FARS2: variants seen among roughly 807,000 people sequenced by gnomAD.
FARS2 encodes the protein phenylalanyl-tRNA synthetase 2, mitochondrial.
FARS2 carries 40 observed loss-of-function variants against 46.4 expected under a neutral mutation model. The ratio of observed to expected loss-of-function variants is 0.86; its 90% confidence interval spans 0.67 to 1.12. FARS2 has a LOEUF of 1.12. FARS2 is among the 50% of genes most tolerant of loss of function. FARS2 has a pLI of 0.00. For synonymous variants in FARS2, 234 were observed against 214.9 expected (o/e 1.09, Z -0.78); for missense variants, 513 against 567.9 (o/e 0.90, Z 0.98).
At chr6:5,640,822 C>T (rs1776780283) in intron 6 of FARS2, among the ~76,000 whole-genome samples, 1 of 152,220 alleles carries the variant, frequency 6.6e-6, no homozygotes, top group African/African-American at 2.4e-5. Flanking sequence ...CTTTCTGACA[C>T]CCCACTCCTT....
chr6:5,548,332 G>A (rs1771166560), intron 5 of FARS2, among the ~76,000 whole-genome samples: 1 of 152,190 alleles, frequency 6.6e-6, no homozygotes, highest in Admixed American at 6.5e-5. Context: ...TTATAGTGAA[G>A]CACACTGATT....
At chr6:5,502,667 A>G (rs866647520) in intron 4 of FARS2, among the ~76,000 whole-genome samples, 8 of 152,236 alleles carry the variant, frequency 5.3e-5, no homozygotes, top group African/African-American at 1.7e-4. Context: ...GCATTTTTGC[A>G]TATTGTTTTC....
intron 1 of FARS2, among the ~76,000 whole-genome samples, chr6:5,341,671 A>C (rs906907671): frequency 9.9e-5 from 15 of 151,824 alleles, no homozygotes. Flanking sequence ...GGTTCCCACC[A>C]TCACACCCGG....
intron 6 of FARS2, among the ~76,000 whole-genome samples, chr6:5,677,677 G>C (rs1277266459): frequency 6.6e-6 from 1 of 152,222 alleles, no homozygotes; most frequent in Non-Finnish European, 1.5e-5. Context: ...AGGGGCTGTA[G>C]TCAAAGAGTC....
At chr6:5,556,786 C>T (rs898640771) in intron 5 of FARS2, among the ~76,000 whole-genome samples, 2 of 151,868 alleles carry the variant, frequency 1.3e-5, no homozygotes, top group South Asian at 2.1e-4. Flanking sequence ...TATCCAATAT[C>T]CTTGTTGCAT....
At chr6:5,273,772 C>T (rs956689492) in intron 1 of FARS2, among the ~76,000 whole-genome samples, 2 of 152,240 alleles carry the variant, frequency 1.3e-5, no homozygotes, top group Admixed American at 6.5e-5. Flanking sequence ...GTTGTTTCCC[C>T]AATGTATTCT....
chr6:5,388,922 TG>T (rs1443080160), intron 2 of FARS2, among the ~76,000 whole-genome samples: 2 of 152,202 alleles, frequency 1.3e-5, no homozygotes, highest in Non-Finnish European at 2.9e-5. Context: ...AAATCCCTTT[TG>T]TCATACTTGT....
chr6:5,693,329 C>A (rs1183297011), intron 6 of FARS2, among the ~76,000 whole-genome samples: 2 of 152,132 alleles, frequency 1.3e-5, no homozygotes, highest in African/African-American at 4.8e-5. Context: ...CAGATCTGCC[C>A]CCTCACCACT....
chr6:5,301,617 C>A (rs1216336774), intron 1 of FARS2, among the ~76,000 whole-genome samples: 3 of 152,082 alleles, frequency 2.0e-5, no homozygotes, highest in Non-Finnish European at 4.4e-5. Flanking sequence ...ATTGTGAAAT[C>A]ATTCCCTTCT....
chr6:5,509,677 G>A (rs1319815487), intron 4 of FARS2, among the ~76,000 whole-genome samples: 2 of 152,208 alleles, frequency 1.3e-5, no homozygotes, highest in Non-Finnish European at 2.9e-5. Flanking sequence ...GCGCCAGAGC[G>A]GGAGAGCTGT....
At chr6:5,417,550 A>T (rs1353106697) in intron 3 of FARS2, among the ~76,000 whole-genome samples, 2 of 152,110 alleles carry the variant, frequency 1.3e-5, no homozygotes, top group African/African-American at 4.8e-5. Context: ...TAGAGGTGAT[A>T]TTCCTAGATC....
intron 6 of FARS2, among the ~76,000 whole-genome samples, chr6:5,740,114 C>T (rs1761238359): frequency 6.6e-6 from 1 of 152,194 alleles, no homozygotes; most frequent in African/African-American, 2.4e-5. Context: ...GGTCAAACCA[C>T]TACATACAGT....
At chr6:5,509,172 G>T (rs952515215) in intron 4 of FARS2, among the ~76,000 whole-genome samples, 4 of 152,200 alleles carry the variant, frequency 2.6e-5, no homozygotes, top group African/African-American at 7.2e-5. Context: ...TTAGGTAAAA[G>T]CTGTTAACCT....
chr6:5,322,814 A>G (rs1051408188), intron 1 of FARS2, among the ~76,000 whole-genome samples: 3 of 152,200 alleles, frequency 2.0e-5, no homozygotes, highest in Non-Finnish European at 4.4e-5. Context: ...TTGAGACACA[A>G]AAACTTGTGT....
intron 5 of FARS2, among the ~76,000 whole-genome samples, chr6:5,602,824 G>A (rs1247746895): frequency 3.9e-5 from 6 of 152,050 alleles, no homozygotes; most frequent in African/African-American, 1.4e-4. Context: ...GTCCCTTTTG[G>A]CACGCTTATA....
At chr6:5,334,222 T>A (rs927022651) in intron 1 of FARS2, among the ~76,000 whole-genome samples, 2 of 152,184 alleles carry the variant, frequency 1.3e-5, no homozygotes, top group Non-Finnish European at 2.9e-5. Context: ...TAAAATAGTT[T>A]AATCACAGTG....
chr6:5,392,236 A>C (rs779904638), intron 2 of FARS2, among the ~76,000 whole-genome samples: 31 of 152,150 alleles, frequency 2.0e-4, no homozygotes, highest in Non-Finnish European at 4.4e-4. Flanking sequence ...AATGGACTAC[A>C]GTCTCTTCCA....
intron 1 of FARS2, among the ~76,000 whole-genome samples, chr6:5,286,399 AC>A (rs1433915477): frequency 6.6e-6 from 1 of 152,212 alleles, no homozygotes; most frequent in East Asian, 1.9e-4. Flanking sequence ...AGTAGCTGGG[AC>A]TACAGTTGCA....
intron 4 of FARS2, among the ~76,000 whole-genome samples, chr6:5,539,396 A>ATATATATATG (rs1024662143): frequency 2.9e-5 from 4 of 136,480 alleles, no homozygotes; most frequent in African/African-American, 5.9e-5. Flanking sequence ...ATATATATAT[A>ATATATATATG]TATGTATATA....
Sources: allele counts gnomAD v4.1 joint callset (sites outside exome capture counted in the v4.1 genomes callset), GRCh38; gene constraint gnomAD v4.1.1; transcripts MANE v1.5; gene names NCBI Gene and HGNC (gene_info 2026-07-23, HGNC 2026-07-21).